Variants in KDM4C observed in about 807,000 individuals in gnomAD.
KDM4C encodes the protein lysine-specific demethylase 4C.
Under a neutral mutation model 129.3 loss-of-function variants are expected in KDM4C, and 81 were observed. The ratio of observed to expected loss-of-function variants is 0.63; its 90% CI spans 0.52 to 0.75. The LOEUF is 0.75. Among genes scored for constraint, KDM4C ranks in the 30% least tolerant of loss-of-function variants. KDM4C has a pLI of 0.00. For missense variants in KDM4C, 1,457 were observed against 1,304.0 expected (o/e 1.12, Z -1.81); for synonymous variants, 573 against 456.1 (o/e 1.26, Z -3.26).
chr9:6,986,461 C>A lies in KDM4C; in HGVS notation c.1472C>A (p.Ser491Tyr). 6.2e-7 allele frequency: 1 copy of A among 1,614,122 alleles called. No individual in the cohort carries two copies. The highest frequency in any genetic ancestry group is 1.1e-5 in the South Asian group (1 of 91,074). ...GAGGCTGATGATTCCATTCCATTGT[C>A]TAGTGGCTATGAGAAGCCCGAGAAA... is the stretch of plus-strand genomic sequence containing the variant. ...SSEADDSIPL[S>Y]SGYEKPEKSD... Residue 491 changes from serine (S) to tyrosine (Y), a missense_variant, in exon 11 of 22, where the codon TCT becomes TAT. Transcript: ENST00000381309.
intron 1 of KDM4C, among the ~76,000 whole-genome samples, chr9:6,772,944 C>T (rs756512419): frequency 1.3e-5 from 2 of 151,924 alleles, no homozygotes; most frequent in Admixed American, 1.3e-4. Context: ...GATCCACCCA[C>T]CTCGGCCTCC....
chr9:7,146,914 G>A (rs569290759), intron 19 of KDM4C, among the ~76,000 whole-genome samples: 3 of 152,228 alleles, frequency 2.0e-5, no homozygotes, highest in Non-Finnish European at 4.4e-5. Context: ...GCTTCTCAGT[G>A]TTTCCTTCAC....
intron 21 of KDM4C, chr9:7,170,142 G>T: frequency 4.4e-6 from 6 of 1,360,000 alleles, no homozygotes; most frequent in Non-Finnish European, 4.8e-6. Flanking sequence ...ACATTTATTG[G>T]TGCACAAAAA....
At chr9:6,755,728 T>A (rs1343175800), upstream of KDM4C, among the ~76,000 whole-genome samples, 1 of 152,208 alleles carries the variant, frequency 6.6e-6, no homozygotes, top group Non-Finnish European at 1.5e-5. Flanking sequence ...ATAAAAAATT[T>A]ACTATATGGC....
intron 1 of KDM4C, among the ~76,000 whole-genome samples, chr9:6,767,625 G>C (rs1820904394): frequency 6.6e-6 from 1 of 152,016 alleles, no homozygotes; most frequent in East Asian, 1.9e-4. Context: ...AGTACAGATG[G>C]GGTTTTGCCG....
At position 6,880,225 on chromosome 9, in the gene KDM4C, A is replaced by G. The variant is rs962178799; in HGVS notation, c.679+164A>G. ...TGTTTTTTTAATTGAACAATTTTAAATTTTTTCACCTTAGTTTGTGAATAT... is the reference window on the plus strand; with the variant it reads ...TGTTTTTTTAATTGAACAATTTTAAGTTTTTTCACCTTAGTTTGTGAATAT... On this transcript the variant is annotated intron_variant, in intron 6 of 21. Transcript: ENST00000381309. Among the ~76,000 whole-genome samples the G allele has an allele frequency of 3.3e-5, 5 of 150,598 alleles. No homozygotes were observed. The South Asian group carries it at 6.3e-4, about 19-fold the overall frequency.
intron 12 of KDM4C, among the ~76,000 whole-genome samples, chr9:7,007,560 A>G (rs565894330): frequency 3.3e-5 from 5 of 152,306 alleles, no homozygotes; most frequent in African/African-American, 9.6e-5. Context: ...TGGCTTTAAG[A>G]TTGAAGCCTA....
intron 15 of KDM4C, among the ~76,000 whole-genome samples, chr9:7,038,027 C>G (rs1031927382): frequency 3.3e-5 from 5 of 151,964 alleles, no homozygotes; most frequent in African/African-American, 9.7e-5. Flanking sequence ...TAAGGATGAA[C>G]AGTTTTGATA....
intron 19 of KDM4C, among the ~76,000 whole-genome samples, chr9:7,151,628 T>C (rs1160721606): frequency 6.6e-6 from 1 of 152,192 alleles, no homozygotes; most frequent in African/African-American, 2.4e-5. Flanking sequence ...TGAGCTGTGA[T>C]AGTGCCACTG....
chr9:6,769,979 G>C (rs940577637), intron 1 of KDM4C, among the ~76,000 whole-genome samples: 1 of 152,090 alleles, frequency 6.6e-6, no homozygotes, highest in Non-Finnish European at 1.5e-5. Flanking sequence ...TCAGGAGTTT[G>C]AGACCAGCCT....
At chr9:6,915,876 C>T (rs954866808) in intron 8 of KDM4C, among the ~76,000 whole-genome samples, 3 of 152,142 alleles carry the variant, frequency 2.0e-5, no homozygotes, top group African/African-American at 7.2e-5. Context: ...TATGCTGGGG[C>T]ATGAGAAGCT....
rs1186375892 is a variant in KDM4C at position 6,834,818 on chromosome 9, A to G, written c.436-14689A>G. ...GGCCAGCCGCGAGAAGATGACCCAG[A>G]TCATGTTTGAGACCTTCATCACCCC... On this transcript the variant is annotated intron_variant, in intron 4 of 21. Transcript: ENST00000381309. 30 of 1,376,900 alleles carry G rather than the reference A, an allele frequency of 2.2e-5. No individual in the cohort carries two copies. In the South Asian group the frequency reaches 3.1e-4, roughly 14 times the overall value. The allele number at this position is 1,376,900 out of a possible 1,614,324, so 85.3% of individuals were successfully genotyped here. A position where few individuals can be genotyped will look rare whatever the true frequency, so the allele number is the denominator to read the frequency against.
chr9:7,079,539 C>G (rs1423587197), intron 17 of KDM4C, among the ~76,000 whole-genome samples: 1 of 152,198 alleles, frequency 6.6e-6, no homozygotes, highest in Admixed American at 6.5e-5. Flanking sequence ...CCAGGCTGGT[C>G]TTGAACTCCT....
chr9:7,151,430 A>G (rs563193845), intron 19 of KDM4C, among the ~76,000 whole-genome samples: 2 of 152,118 alleles, frequency 1.3e-5, no homozygotes, highest in African/African-American at 2.4e-5. Context: ...GCTGGCTCAC[A>G]CCTGTAATCC....
intron 5 of KDM4C, among the ~76,000 whole-genome samples, chr9:6,873,937 AGAGC>A (rs1265016494): frequency 4.0e-5 from 5 of 123,590 alleles, no homozygotes; most frequent in Middle Eastern, 4.3e-3. Flanking sequence ...AGAGTGAGAG[AGAGC>A]GAGAGAGAGA....
At chr9:6,906,561 C>T (rs1422381124) in intron 8 of KDM4C, among the ~76,000 whole-genome samples, 1 of 152,214 alleles carries the variant, frequency 6.6e-6, no homozygotes, top group African/African-American at 2.4e-5. Flanking sequence ...ACCTCAGCCT[C>T]CTGAGTTGCT....
chr9:6,798,943 G>A (rs1212522816), intron 2 of KDM4C, among the ~76,000 whole-genome samples: 2 of 151,218 alleles, frequency 1.3e-5, no homozygotes, highest in African/African-American at 4.9e-5. Context: ...TCGGGTCGAG[G>A]CGCTCCTCAC....
intron 5 of KDM4C, among the ~76,000 whole-genome samples, chr9:6,860,361 T>C (rs1176204750): frequency 2.0e-5 from 3 of 152,190 alleles, no homozygotes; most frequent in Non-Finnish European, 2.9e-5. Context: ...AGGGTTTTGT[T>C]TCTCTCTAGG....
chr9:6,760,450 T>TA (rs1819193280), intron 1 of KDM4C, among the ~76,000 whole-genome samples: 1 of 149,798 alleles, frequency 6.7e-6, no homozygotes, highest in Non-Finnish European at 1.5e-5. Context: ...CTTGGGTATA[T>TA]ATATATATAT....
Sources: gnomAD v4.1 joint callset for allele counts (sites outside exome capture counted in the v4.1 genomes callset) on GRCh38, gnomAD v4.1.1 for gene constraint, MANE v1.5 for transcripts, NCBI Gene and HGNC (gene_info 2026-07-23, HGNC 2026-07-21) for gene names.